The following HMGCLL1 variants were observed in gnomAD, a reference collection of about 807,000 sequenced individuals.
HMGCLL1 encodes 3-hydroxymethyl-3-methylglutaryl-CoA lyase, cytoplasmic.
In HMGCLL1, 36 loss-of-function variants were observed where a neutral mutation model predicts 39.1. That is an observed-to-expected ratio of 0.92 (90% CI 0.71 to 1.22). The LOEUF (loss-of-function observed/expected upper bound fraction) is 1.22, where lower values mean the gene tolerates loss of function less well. Among genes scored for constraint, HMGCLL1 ranks in the 50% most tolerant of loss-of-function variants. The pLI is 0.00. For missense variants in HMGCLL1, 451 were observed against 416.5 expected, an observed-to-expected ratio of 1.08 and a Z score of -0.72; for synonymous variants, 149 against 144.0, an observed-to-expected ratio of 1.03 and a Z score of -0.25.
At chr6:55,547,596 G>A (rs1770062564) in intron 1 of HMGCLL1, among the ~76,000 whole-genome samples, 2 of 151,806 alleles carry the variant, frequency 1.3e-5, no homozygotes, top group South Asian at 4.1e-4. Flanking sequence ...TTCATAGCCA[G>A]TATTCCCAAG....
chr6:55,497,373 G>A lies in HMGCLL1; in HGVS notation c.607-1766C>T, dbSNP rs546465515. Among the ~76,000 whole-genome samples, 9 of 152,076 alleles carry A rather than the reference G, an allele frequency of 5.9e-5. No individual in the cohort carries two copies. The South Asian group carries it at 1.9e-3, about 32-fold the overall frequency. ...AATAATGATGTGTTTGGTTGTAAAA[G>A]TGAAATGAGAATGTATAAAAGCCAT... On this transcript the variant is annotated intron_variant, in intron 6 of 8. Transcript: ENST00000274901.
chr6:55,590,103 T>C, the HMGCLL1 span, among the ~76,000 whole-genome samples: 1 of 152,158 alleles, frequency 6.6e-6, no homozygotes. Context: ...AAGTCAATCC[T>C]AGGCCAAAAG....
the HMGCLL1 span, among the ~76,000 whole-genome samples, chr6:55,644,409 C>T: frequency 6.6e-6 from 1 of 151,936 alleles, no homozygotes; most frequent in Non-Finnish European, 1.5e-5. Context: ...TAATATGGTC[C>T]TGTTTGTCCA....
At chr6:55,610,338 A>G in the HMGCLL1 span, among the ~76,000 whole-genome samples, 1 of 152,086 alleles carries the variant, frequency 6.6e-6, no homozygotes, top group African/African-American at 2.4e-5. Flanking sequence ...AGAGGAACAT[A>G]AATGACCTGA....
At chr6:55,644,928 T>G in the HMGCLL1 span, among the ~76,000 whole-genome samples, 26 of 152,016 alleles carry the variant, frequency 1.7e-4, 1 homozygote, top group Admixed American at 1.7e-3. Flanking sequence ...TTCATATATC[T>G]CTGAAGAATG....
chr6:55,519,717 T>C (rs1394944693), intron 3 of HMGCLL1, among the ~76,000 whole-genome samples: 1 of 152,120 alleles, frequency 6.6e-6, no homozygotes, highest in Admixed American at 6.6e-5. Flanking sequence ...AAACATAGTA[T>C]GTATAAGTAT....
the HMGCLL1 span, among the ~76,000 whole-genome samples, chr6:55,633,412 A>G: frequency 0.11 from 16,984 of 151,670 alleles, 1,135 homozygotes; most frequent in East Asian, 0.17. Flanking sequence ...AGAGAATTTC[A>G]TATAGATAAA....
intron 1 of HMGCLL1, among the ~76,000 whole-genome samples, chr6:55,548,082 A>C (rs998952699): frequency 6.6e-6 from 1 of 152,046 alleles, no homozygotes; most frequent in Non-Finnish European, 1.5e-5. Flanking sequence ...CCATGCAAAA[A>C]TAAGTTTGTA....
the HMGCLL1 span, among the ~76,000 whole-genome samples, chr6:55,668,909 G>T: frequency 6.6e-6 from 1 of 151,746 alleles, no homozygotes; most frequent in Non-Finnish European, 1.5e-5. Flanking sequence ...ACTCCAGGGA[G>T]GGAAACCTTC....
At chr6:55,520,264 A>AT (rs1194485176) in intron 3 of HMGCLL1, among the ~76,000 whole-genome samples, 5 of 150,468 alleles carry the variant, frequency 3.3e-5, no homozygotes, top group African/African-American at 7.3e-5. Context: ...AAATAAATAA[A>AT]TAAATAAATA....
chr6:55,621,184 A>T, the HMGCLL1 span, among the ~76,000 whole-genome samples: 3 of 152,140 alleles, frequency 2.0e-5, no homozygotes, highest in African/African-American at 7.2e-5. Context: ...TTTGATAGAG[A>T]TTGCACTGAA....
chr6:55,559,555 G>A lies in HMGCLL1; in HGVS notation c.109-17415C>T, dbSNP rs189993351. 3.9e-5 allele frequency among the ~76,000 whole-genome samples: 6 copies of A among 152,280 alleles called. No individual in the cohort carries two copies. The East Asian group carries it at 1.2e-3, about 29-fold the overall frequency. ...AGCAAAATGGAAATGACCTAGAGGA[G>A]AGCAGGGGCACAAGAAGGAGCGTGG... On this transcript the variant is annotated intron_variant, in intron 1 of 8. Coordinates refer to ENST00000274901, the MANE Select transcript of HMGCLL1 (RefSeq NM_001042406.2).
At chr6:55,478,300 G>T (rs1765564815) in intron 7 of HMGCLL1, among the ~76,000 whole-genome samples, 1 of 151,196 alleles carries the variant, frequency 6.6e-6, no homozygotes, top group African/African-American at 2.4e-5. Flanking sequence ...GCTCATGAAG[G>T]AATTCAAAGT....
chr6:55,607,165 A>G, the HMGCLL1 span, among the ~76,000 whole-genome samples: 3 of 152,126 alleles, frequency 2.0e-5, no homozygotes, highest in Admixed American at 2.0e-4. Flanking sequence ...TTGAATGGAG[A>G]TAAGTATTTG....
chr6:55,500,217 C>A (rs1766805137), intron 5 of HMGCLL1, among the ~76,000 whole-genome samples: 1 of 151,936 alleles, frequency 6.6e-6, no homozygotes, highest in Non-Finnish European at 1.5e-5. Flanking sequence ...GAACGCCATT[C>A]CAAGTTGTCT....
chr6:55,516,445 T>C, intron 4 of HMGCLL1, 63 bp downstream of exon 4: 2 of 1,078,936 alleles, frequency 1.9e-6, no homozygotes, highest in Non-Finnish European at 2.8e-6. Flanking sequence ...AATTTTAACT[T>C]TGTAAATATC....
At chr6:55,661,953 G>A in the HMGCLL1 span, among the ~76,000 whole-genome samples, 1 of 151,656 alleles carries the variant, frequency 6.6e-6, no homozygotes, top group Non-Finnish European at 1.5e-5. Context: ...TGCATTCGTA[G>A]GTATATTCTT....
At chr6:55,672,610 A>G in the HMGCLL1 span, among the ~76,000 whole-genome samples, 2 of 151,962 alleles carry the variant, frequency 1.3e-5, no homozygotes, top group Non-Finnish European at 2.9e-5. Context: ...GCAAATTGGA[A>G]TACTTTGCAA....
the HMGCLL1 span, among the ~76,000 whole-genome samples, chr6:55,628,461 C>G: frequency 1.3e-5 from 2 of 151,334 alleles, no homozygotes; most frequent in Admixed American, 6.6e-5. Context: ...CATCACCACA[C>G]CTGGCTAATT....
Sources: gnomAD v4.1 joint callset for allele counts (sites outside exome capture counted in the v4.1 genomes callset) on GRCh38, gnomAD v4.1.1 for gene constraint, MANE v1.5 for transcripts, NCBI Gene and HGNC (gene_info 2026-07-23, HGNC 2026-07-21) for gene names.